PKHD1L1: variants seen among roughly 807,000 people sequenced by gnomAD.
PKHD1L1 encodes fibrocystin-L.
PKHD1L1 carries 434 observed loss-of-function variants against 462.9 expected under a neutral mutation model. The observed-to-expected ratio is 0.94, with a 90% CI of 0.87 to 1.02. The LOEUF is 1.02. Among genes scored for constraint, PKHD1L1 ranks in the 50% least tolerant of loss-of-function variants. PKHD1L1 has a pLI of 0.00. For synonymous variants in PKHD1L1, 1,781 were observed against 1,750.0 expected (o/e 1.02, Z -0.44); for missense variants, 5,202 against 5,096.1 (o/e 1.02, Z -0.63).
chr8:109,485,614 G>A (rs2130901395), intron 58 of PKHD1L1, among the ~76,000 whole-genome samples: 1 of 152,118 alleles, frequency 6.6e-6, no homozygotes, highest in South Asian at 2.1e-4. Flanking sequence ...ATGATCTGAA[G>A]ATGAGTTTTC....
rs772248336 is a variant in PKHD1L1 at position 109,508,232 on chromosome 8, T to C, written c.11363T>C (p.Ile3788Thr). ...ACTCGAAGACTTTCCCCAGTGGCTA[T>C]AATGGGCAACGGTTATGTTGATCTT... ...TETRRLSPVA[I>T]MGNGYVDLIN... is the part of the protein sequence containing the mutation. Residue 3788 changes from isoleucine to threonine, a missense_variant, in exon 70 of 78, where the codon ATA (isoleucine) becomes ACA (threonine). Physicochemically the swap from Ile to Thr is moderately conservative, Grantham distance 89. Coordinates refer to ENST00000378402, the MANE Select transcript of PKHD1L1 (RefSeq NM_177531.6). 9.9e-6 allele frequency: 16 copies of C among 1,612,298 alleles called. No individual in the cohort carries two copies. The African/African-American group carries it at 2.0e-4, about 20-fold the overall frequency.
chr8:109,476,191 CA>C (rs1378701178), intron 51 of PKHD1L1, among the ~76,000 whole-genome samples: 4 of 151,618 alleles, frequency 2.6e-5, no homozygotes, highest in African/African-American at 4.9e-5. Flanking sequence ...CACATACACA[CA>C]TCACATATAT....
At chr8:109,375,679 G>T (rs533452776) in intron 2 of PKHD1L1, among the ~76,000 whole-genome samples, 1 of 152,194 alleles carries the variant, frequency 6.6e-6, no homozygotes, top group South Asian at 2.1e-4. Flanking sequence ...ATGGGTTTTT[G>T]GTGTGGATGT....
chr8:109,405,880 TA>T (rs1001310093), intron 16 of PKHD1L1, among the ~76,000 whole-genome samples: 1 of 152,138 alleles, frequency 6.6e-6, no homozygotes, highest in African/African-American at 2.4e-5. Context: ...TAAAAGGAAT[TA>T]AATTCATCAT....
intron 72 of PKHD1L1, among the ~76,000 whole-genome samples, chr8:109,516,650 T>G (rs895815144): frequency 6.6e-5 from 10 of 152,118 alleles, no homozygotes; most frequent in African/African-American, 2.2e-4. Context: ...CACTTAACCA[T>G]TATGCTATAT....
intron 76 of PKHD1L1, among the ~76,000 whole-genome samples, chr8:109,524,985 G>A (rs1335457193): frequency 2.0e-5 from 3 of 151,980 alleles, no homozygotes; most frequent in Non-Finnish European, 4.4e-5. Context: ...CCAAGTATAG[G>A]AATCTCTTCA....
intron 32 of PKHD1L1, 126 bp from the exon 33 acceptor site, chr8:109,440,584 G>T: frequency 1.3e-6 from 1 of 752,570 alleles, no homozygotes; most frequent in Non-Finnish European, 2.0e-6. Flanking sequence ...TGTCTATCTT[G>T]AAAAAGTAAT....
rs1011562241 is a variant in PKHD1L1 at position 109,382,520 on chromosome 8, G to A, written c.366G>A (p.Thr122=). 1.4e-5 allele frequency: 23 copies of A among 1,612,350 alleles called. No individual in the cohort carries two copies. The highest frequency in any genetic ancestry group is 3.3e-5 in the South Asian group (3 of 90,878). ...TCAGTGTGGACGGGGTTCCTGTTACGGAAAATAACACCTGCAAAGGTCACA... is the reference window on the plus strand; with the variant it reads ...TCAGTGTGGACGGGGTTCCTGTTACAGAAAATAACACCTGCAAAGGTCACA... ...VRVSVDGVPV[T]ENNTCKGHIN... is the part of the protein sequence containing the mutation. The change falls in exon 4 of 78, where the codon ACG becomes ACA. Residue 122 remains threonine, a synonymous_variant. Coordinates refer to ENST00000378402, the MANE Select transcript of PKHD1L1 (RefSeq NM_177531.6).
In PKHD1L1 at chr8:109,485,171, T is replaced by A; in HGVS notation, c.9704T>A (p.Phe3235Tyr). 1 of 1,569,016 alleles carries A rather than the reference T, an allele frequency of 6.4e-7. No individual in the cohort carries two copies. The highest frequency in any genetic ancestry group is 1.2e-5 in the South Asian group (1 of 82,606). Residue 3235 changes from phenylalanine to tyrosine, a missense_variant and splice_region_variant, in exon 58 of 78, where the codon TTT (phenylalanine) becomes TAT (tyrosine). By Grantham distance (22) the Phe-to-Tyr change is conservative. Transcript: ENST00000378402. ...AATGATAGCCTTTCCTATACTCACT[T>A]TGGTAAGTGGATGCTTTTTAACCAA... ...ILNDSLSYTH[F>Y]AEKYHVPGTG...
Position 109,400,129 on chromosome 8 carries a change from G to T in PKHD1L1, c.1066G>T (p.Glu356Ter). The change falls in exon 13 of 78, where the codon GAA (glutamate) becomes TAA (stop). Residue 356 changes from glutamate to a stop codon, truncating the protein, a stop_gained. Coordinates refer to ENST00000378402, the MANE Select transcript of PKHD1L1 (RefSeq NM_177531.6). LOFTEE classifies it high-confidence loss of function. ...GAATAATAGCCGTCCAATACGTTTG[G>T]AAGAGATACTGGAATACAATGAAAA... is the stretch of plus-strand genomic sequence containing the variant. ...VWNNSRPIRL[E>*]EILEYNEKTP... 1 of 1,613,384 alleles carries T rather than the reference G, an allele frequency of 6.2e-7. No individual in the cohort carries two copies. Among genetic ancestry groups the T allele is most frequent in the Non-Finnish European group, 8.5e-7 (1 of 1,179,520 alleles).
intron 2 of PKHD1L1, among the ~76,000 whole-genome samples, chr8:109,378,799 GT>G (rs1811964691): frequency 6.6e-6 from 1 of 152,182 alleles, no homozygotes; most frequent in African/African-American, 2.4e-5. Flanking sequence ...TCACTAGTTG[GT>G]TAGGAACTGA....
chr8:109,452,092 C>CGT, intron 41 of PKHD1L1, 32 bp from the exon 42 acceptor site: 1 of 1,589,752 alleles, frequency 6.3e-7, no homozygotes, highest in South Asian at 1.1e-5. Context: ...TTGAGAAAAA[C>CGT]ATACATGTTA....
At chr8:109,514,946 T>C (rs924599387) in intron 71 of PKHD1L1, among the ~76,000 whole-genome samples, 10 of 152,096 alleles carry the variant, frequency 6.6e-5, no homozygotes, top group Admixed American at 3.3e-4. Flanking sequence ...TTTCTCTTAT[T>C]GTACTTTTCT....
intron 23 of PKHD1L1, among the ~76,000 whole-genome samples, chr8:109,424,460 TATC>T (rs1321888885): frequency 6.6e-6 from 1 of 152,198 alleles, no homozygotes; most frequent in African/African-American, 2.4e-5. Context: ...CTAGAAGGCT[TATC>T]ATTTTAAATT....
In PKHD1L1 at chr8:109,464,829, G is replaced by T. The variant is rs200190153; in HGVS notation, c.7997G>T (p.Gly2666Val). 4.0e-4 allele frequency: 639 copies of T among 1,613,796 alleles called. No homozygotes were observed. Among genetic ancestry groups the T allele is most frequent in the South Asian group, 5.5e-4 (50 of 91,078 alleles). ...AAAGGAGCTGAATGGGTCAATGGAG[G>T]TGCCCTTCAGTTCCATAACTTTGTG... ...CQKGAEWVNGGALQFHNFVMV... is the reference protein window; with the variant it reads ...CQKGAEWVNGVALQFHNFVMV... The change falls in exon 49 of 78, where the codon GGT becomes GTT. Residue 2666 changes from glycine (G) to valine (V), a missense_variant. Coordinates refer to ENST00000378402, the MANE Select transcript of PKHD1L1 (RefSeq NM_177531.6).
intron 26 of PKHD1L1, among the ~76,000 whole-genome samples, chr8:109,429,702 T>G (rs747641709): frequency 3.3e-5 from 5 of 152,154 alleles, no homozygotes; most frequent in African/African-American, 1.2e-4. Flanking sequence ...AGAGGAATCT[T>G]TCCTTCAATC....
Position 109,443,051 on chromosome 8 carries a change from C to T in PKHD1L1, c.4499C>T (p.Pro1500Leu). 2.5e-6 allele frequency: 4 copies of T among 1,613,590 alleles called. No individual in the cohort carries two copies. The highest frequency in any genetic ancestry group is 2.5e-6 in the Non-Finnish European group (3 of 1,179,646). Residue 1500 changes from proline to leucine, a missense_variant, in exon 36 of 78, where the codon CCA becomes CTA. Around this residue, in one of 3 missense-constraint regions of PKHD1L1, gnomAD observed 4,497 missense variants for 4,336.8 expected, o/e 1.04. Coordinates refer to ENST00000378402, the MANE Select transcript of PKHD1L1 (RefSeq NM_177531.6). ...CTCCAAGGAGTCATTAATGTTTTAC[C>T]AGCTGAAACCAGACACATTCCCTTG... ...IFLQGVINVL[P>L]AETRHIPLHL...
chr8:109,470,763 G>A (rs1817675057), intron 50 of PKHD1L1: 4 of 1,539,498 alleles, frequency 2.6e-6, no homozygotes, highest in Non-Finnish European at 3.5e-6. Flanking sequence ...GTGGTAGGGA[G>A]GACTGTTTTT....
At chr8:109,478,151 A>T (rs1027635918) in intron 53 of PKHD1L1, among the ~76,000 whole-genome samples, 7 of 152,162 alleles carry the variant, frequency 4.6e-5, no homozygotes, top group African/African-American at 7.2e-5. Context: ...AACAAGTACA[A>T]CTCAATGATA....
Sources: gnomAD v4.1 joint callset for allele counts (sites outside exome capture counted in the v4.1 genomes callset) on GRCh38, gnomAD v4.1.1 for gene constraint, gnomAD v4.1.1 regional missense constraint, MANE v1.5 for transcripts, NCBI Gene and HGNC (gene_info 2026-07-23, HGNC 2026-07-21) for gene names.